The following ST18 variants were observed in gnomAD, a reference collection of about 807,000 sequenced individuals.
ST18 encodes the protein suppression of tumorigenicity 18 protein.
A neutral mutation model predicts 110.0 loss-of-function variants in ST18; 50 were observed. That is an observed-to-expected ratio of 0.45 (90% CI 0.36 to 0.58). The LOEUF (loss-of-function observed/expected upper bound fraction) is 0.58, where lower values mean the gene tolerates loss of function less well. ST18 is among the 20% of genes least tolerant of loss of function. The pLI is 0.00. For synonymous variants in ST18, 461 were observed against 452.4 expected (o/e 1.02, Z -0.24); for missense variants, 1,306 against 1,280.1 (o/e 1.02, Z -0.31).
chr8:52,328,284 G>A (rs1807424607), intron 2 of ST18, among the ~76,000 whole-genome samples: 1 of 152,166 alleles, frequency 6.6e-6, no homozygotes, highest in Non-Finnish European at 1.5e-5. Context: ...TATTAACAGG[G>A]TGGTCTTGGC....
chr8:52,185,893 G>C (rs1367897163), intron 8 of ST18, among the ~76,000 whole-genome samples: 2 of 152,092 alleles, frequency 1.3e-5, no homozygotes, highest in Admixed American at 6.6e-5. Context: ...TTCTCAAGCA[G>C]TTTATAAACA....
intron 2 of ST18, among the ~76,000 whole-genome samples, chr8:52,370,991 G>A (rs1270537085): frequency 6.6e-6 from 1 of 152,202 alleles, no homozygotes; most frequent in Admixed American, 6.5e-5. Flanking sequence ...TCAGATAAAA[G>A]TGGATTAAAA....
intron 2 of ST18, among the ~76,000 whole-genome samples, chr8:52,375,604 C>T (rs1832027625): frequency 6.6e-6 from 1 of 152,158 alleles, no homozygotes; most frequent in Non-Finnish European, 1.5e-5. Flanking sequence ...CTGTGGAATG[C>T]CCCAGCAGAA....
chr8:52,307,025 A>G (rs1012864535), intron 2 of ST18, among the ~76,000 whole-genome samples: 2 of 152,188 alleles, frequency 1.3e-5, no homozygotes, highest in Non-Finnish European at 2.9e-5. Flanking sequence ...TTGTCTATAG[A>G]ATAAAAAAAT....
chr8:52,132,660 A>T (rs1395212937), intron 21 of ST18, among the ~76,000 whole-genome samples: 2 of 152,234 alleles, frequency 1.3e-5, no homozygotes, highest in Non-Finnish European at 2.9e-5. Context: ...AAAACAACTT[A>T]ATCTATATCT....
At chr8:52,226,165 A>G (rs1044932049) in intron 3 of ST18, among the ~76,000 whole-genome samples, 2 of 152,218 alleles carry the variant, frequency 1.3e-5, no homozygotes, top group Non-Finnish European at 2.9e-5. Context: ...TGAATCTGGC[A>G]CAAGGAGACA....
intron 5 of ST18, 117 bp from the exon 6 acceptor site, chr8:52,218,018 T>C (rs886896911): frequency 1.3e-5 from 2 of 152,164 alleles, no homozygotes; most frequent in African/African-American, 2.4e-5. Context: ...TTCCCTTAGA[T>C]TTTATTTTTC....
chr8:52,160,525 T>C (rs145036411), intron 14 of ST18, among the ~76,000 whole-genome samples: 148 of 152,352 alleles, frequency 9.7e-4, no homozygotes, highest in African/African-American at 3.4e-3. Flanking sequence ...TCTATGGCTA[T>C]GCAGAATGTT....
intron 2 of ST18, among the ~76,000 whole-genome samples, chr8:52,265,961 GGA>G (rs1395063317): frequency 6.6e-6 from 1 of 152,204 alleles, no homozygotes; most frequent in Non-Finnish European, 1.5e-5. Flanking sequence ...GGTGACGCCA[GGA>G]GAGGAGGCTG....
intron 2 of ST18, among the ~76,000 whole-genome samples, chr8:52,238,413 C>T (rs2092981569): frequency 6.6e-6 from 1 of 152,126 alleles, no homozygotes; most frequent in Non-Finnish European, 1.5e-5. Flanking sequence ...AGTGCAACCT[C>T]TATAGAAAAC....
At position 52,323,654 on chromosome 8, in the gene ST18, A is replaced by T. The variant is rs138007074; in HGVS notation, c.-465+85674T>A. ...GAGTATTTCCGACTTGGTCTTGTTTAAATTTAAATCCAAAACCCTCTGCCT... is the reference window on the plus strand; with the variant it reads ...GAGTATTTCCGACTTGGTCTTGTTTTAATTTAAATCCAAAACCCTCTGCCT... On this transcript the variant is annotated intron_variant, in intron 2 of 25. Transcript: ENST00000689386. Among the ~76,000 whole-genome samples the T allele has an allele frequency of 9.9e-5, 15 of 152,078 alleles. No individual in the cohort carries two copies. In the East Asian group the frequency reaches 1.5e-3, roughly 16 times the overall value.
At chr8:52,220,597 C>A (rs2086262654) in intron 5 of ST18, 144 bp downstream of exon 5, 1 of 152,000 alleles carries the variant, frequency 6.6e-6, no homozygotes, top group South Asian at 2.1e-4. Context: ...AATTGCAATT[C>A]TAAATTCAAC....
At chr8:52,198,862 T>G (rs186678770) in intron 8 of ST18, among the ~76,000 whole-genome samples, 1 of 152,182 alleles carries the variant, frequency 6.6e-6, no homozygotes, top group African/African-American at 2.4e-5. Flanking sequence ...CCCTTCCACA[T>G]GTACCTGTGC....
At chr8:52,356,494 T>C (rs1564565600) in intron 2 of ST18, among the ~76,000 whole-genome samples, 1 of 151,978 alleles carries the variant, frequency 6.6e-6, no homozygotes, top group Non-Finnish European at 1.5e-5. Flanking sequence ...CAAACTTCAG[T>C]GAAGGGGAGA....
intron 22 of ST18, 50 bp downstream of exon 22, chr8:52,131,908 G>GCGACAACCGATCA (rs778302416): frequency 6.3e-7 from 1 of 1,587,682 alleles, no homozygotes; most frequent in Non-Finnish European, 8.6e-7. Flanking sequence ...GGCAGCCTAG[G>GCGACAACCGATCA]CGACAACCGA....
chr8:52,136,745 T>A, intron 18 of ST18, 87 bp from the exon 19 acceptor site: 2 of 1,143,562 alleles, frequency 1.7e-6, no homozygotes, highest in Non-Finnish European at 2.5e-6. Context: ...GAACATACGT[T>A]AAATTATTGG....
intron 2 of ST18, among the ~76,000 whole-genome samples, chr8:52,360,443 T>C (rs1825217474): frequency 6.6e-6 from 1 of 152,130 alleles, no homozygotes; most frequent in African/African-American, 2.4e-5. Flanking sequence ...GGTACATCTT[T>C]TCACATTTCA....
At chr8:52,399,730 G>A (rs543653130) in intron 2 of ST18, among the ~76,000 whole-genome samples, 39 of 151,924 alleles carry the variant, frequency 2.6e-4, no homozygotes, top group Non-Finnish European at 2.8e-4. Context: ...ACATATTTGC[G>A]AATTTTTCAA....
At chr8:52,381,181 G>C (rs979048633) in intron 2 of ST18, among the ~76,000 whole-genome samples, 2 of 152,148 alleles carry the variant, frequency 1.3e-5, no homozygotes, top group South Asian at 2.1e-4. Context: ...GAAAAGGAGA[G>C]GCATGTCCCA....
Sources: allele counts gnomAD v4.1 joint callset (sites outside exome capture counted in the v4.1 genomes callset), GRCh38; gene constraint gnomAD v4.1.1; transcripts MANE v1.5; gene names NCBI Gene and HGNC (gene_info 2026-07-23, HGNC 2026-07-21).